ACTN1: variants seen among roughly 807,000 people sequenced by gnomAD.
ACTN1 encodes the protein alpha-actinin-1.
Under a neutral mutation model 119.6 loss-of-function variants are expected in ACTN1, and 30 were observed. The ratio of observed to expected loss-of-function variants is 0.25; its 90% CI spans 0.19 to 0.34. ACTN1 has a LOEUF of 0.34. ACTN1 is among the 10% of genes least tolerant of loss of function. The pLI, the probability that ACTN1 is intolerant of heterozygous loss-of-function variation, is 1.00. For missense variants in ACTN1, 764 were observed against 1,223.4 expected (o/e 0.62, Z 5.60); for synonymous variants, 429 against 472.6 (o/e 0.91, Z 1.20).
chr14:68,874,145 T>A lies in ACTN1; in HGVS notation c.*714A>T, dbSNP rs2030556353. 6.6e-6 allele frequency: 1 copy of A among 152,278 alleles called. No individual in the cohort carries two copies. The highest frequency in any genetic ancestry group is 6.5e-5 in the Admixed American group (1 of 15,268). The allele number at this position is 152,278 out of a possible 1,614,324, so 9.4% of individuals were successfully genotyped here. ...AGCTGTCATAGGAGTGTGGTTTTTTTAATACCATCTGTGCCAAGCAATATC... is the reference window on the plus strand; with the variant it reads ...AGCTGTCATAGGAGTGTGGTTTTTTAAATACCATCTGTGCCAAGCAATATC... On this transcript the variant is annotated 3_prime_UTR_variant, in exon 22 of 22. Transcript: ENST00000394419.
At position 68,878,984 on chromosome 14, in the gene ACTN1, A is replaced by C. The variant is rs765542245; in HGVS notation, c.2361+5T>G. 2.1e-5 allele frequency: 34 copies of C among 1,613,184 alleles called. No homozygotes were observed. Among genetic ancestry groups the C allele is most frequent in the Non-Finnish European group, 2.7e-5 (32 of 1,179,872 alleles). On this transcript the variant is annotated splice_donor_5th_base_variant and intron_variant, in intron 19 of 21. Transcript: ENST00000394419. This position sits in a 1 kb window ranked among gnomAD's most constrained non-coding sequence, Gnocchi z 4.4. The stretch of plus-strand genomic sequence containing the variant: ...CTGAGCGTGCTCCATGCAGGAGGCG[A>C]GTACCTGGGGGTCGTTGCCAATATC...
Position 68,979,219 on chromosome 14 carries a change from C to A in ACTN1, c.-163G>T. The A allele has an allele frequency of 2.1e-6, 1 of 475,808 alleles. No homozygotes were observed. Among genetic ancestry groups the A allele is most frequent in the Non-Finnish European group, 3.6e-6 (1 of 276,774 alleles). The allele number at this position is 475,808 out of a possible 1,614,324, so 29.5% of individuals were successfully genotyped here. ...TCCGCCGCGGCGCTGCTGGCGAAGG[C>A]TGCTACTGGCGGCGACAGCGGCGGC... is the stretch of plus-strand genomic sequence containing the variant. On this transcript the variant is annotated 5_prime_UTR_variant, in exon 1 of 22. Coordinates refer to ENST00000394419, the MANE Select transcript of ACTN1 (RefSeq NM_001130004.2).
rs1330657477 is a variant in ACTN1 at position 68,882,097 on chromosome 14, G to A, written c.1953+361C>T. 1.3e-5 allele frequency among the ~76,000 whole-genome samples: 2 copies of A among 151,840 alleles called. No homozygotes were observed. Among genetic ancestry groups the A allele is most frequent in the Admixed American group, 6.6e-5 (1 of 15,228 alleles). Reference sequence around the variant, plus strand: ...ATTATAGGCACGCATCATCACACCCGGCTGATTTTTGTATTTTTAGTAGAG... The same window carrying A: ...ATTATAGGCACGCATCATCACACCCAGCTGATTTTTGTATTTTTAGTAGAG... On this transcript the variant is annotated intron_variant, in intron 16 of 21. Coordinates refer to ENST00000394419, the MANE Select transcript of ACTN1 (RefSeq NM_001130004.2). This position sits in a 1 kb window ranked among gnomAD's most constrained non-coding sequence, Gnocchi z 4.5.
rs1555346029 is a variant in ACTN1 at position 68,891,198 on chromosome 14, T to TAG, written c.1086+854_1086+855insCT. 2.0e-5 allele frequency among the ~76,000 whole-genome samples: 3 copies of TAG among 152,000 alleles called. No individual in the cohort carries two copies. In the South Asian group the frequency reaches 6.2e-4, roughly 31 times the overall value. On this transcript the variant is annotated intron_variant, in intron 10 of 21. Coordinates refer to ENST00000394419, the MANE Select transcript of ACTN1 (RefSeq NM_001130004.2). ...CATGTGCCCATGACACTCCTGTTAC[T>TAG]TTTCACTTAAGGACAAAAAGCTGCG...
Position 68,878,817 on chromosome 14 carries a change from G to A in ACTN1, c.2361+172C>T, listed in dbSNP as rs748617139. The A allele has an allele frequency of 2.5e-6, 4 of 1,591,942 alleles. No individual in the cohort carries two copies. Among genetic ancestry groups the A allele is most frequent in the South Asian group, 1.1e-5 (1 of 89,890 alleles). ...GTAGGTTGCCATGAAAGACAGCAGA[G>A]GGCAGAGGGTGGACCAGTGATGGGG... On this transcript the variant is annotated intron_variant, in intron 19 of 21. Transcript: ENST00000394419. The surrounding 1 kb of genome is among the most constrained non-coding windows in gnomAD (Gnocchi z 4.4).
At chr14:68,969,630 C>A (rs551141074) in intron 1 of ACTN1, among the ~76,000 whole-genome samples, 40 of 152,256 alleles carry the variant, frequency 2.6e-4, no homozygotes, top group African/African-American at 9.6e-4. Flanking sequence ...GACAGGCACC[C>A]CTGCTCACAG....
At chr14:68,932,279 T>C (rs1287878413) in intron 1 of ACTN1, among the ~76,000 whole-genome samples, 2 of 151,416 alleles carry the variant, frequency 1.3e-5, no homozygotes, top group South Asian at 2.1e-4. Context: ...TGGCTGAGTC[T>C]CCCAGCCTCC....
In ACTN1 at chr14:68,925,291, G is replaced by T. The variant is rs2034862278; in HGVS notation, c.220+267C>A. On this transcript the variant is annotated intron_variant, in intron 2 of 21. Transcript: ENST00000394419. This position sits in a 1 kb window ranked among gnomAD's most constrained non-coding sequence, Gnocchi z 4.3. The stretch of plus-strand genomic sequence containing the variant: ...GCCACAGAATCCTGGCACTGGGGAG[G>T]AGAAGGAACCTCAGTTCCTTCAAAC... Among the ~76,000 whole-genome samples the T allele has an allele frequency of 6.6e-6, 1 of 151,168 alleles. No homozygotes were observed.
At chr14:68,911,887 GTTTTCCAATATAC>G (rs2034033287) in intron 4 of ACTN1, among the ~76,000 whole-genome samples, 2 of 152,234 alleles carry the variant, frequency 1.3e-5, no homozygotes, top group Non-Finnish European at 2.9e-5. Flanking sequence ...AGCCAGGTGG[GTTTTCCAATATAC>G]TTCCCCATGG....
In ACTN1 at chr14:68,878,997, C is replaced by T. The variant is rs555344398; in HGVS notation, c.2353G>A (p.Asp785Asn). 70 of 1,613,060 alleles carry T rather than the reference C, an allele frequency of 4.3e-5. No homozygotes were observed. The highest frequency in any genetic ancestry group is 1.3e-4 in the East Asian group (6 of 44,782). Reference sequence around the variant, plus strand: ...ATGCAGGAGGCGAGTACCTGGGGGTCGTTGCCAATATCATAACCCAAGCTG... The same window carrying T: ...ATGCAGGAGGCGAGTACCTGGGGGTTGTTGCCAATATCATAACCCAAGCTG... ...LISLGYDIGN[D>N]PQKKTGMMDT... Residue 785 changes from aspartate to asparagine, a missense_variant, in exon 19 of 22, where the codon GAC (aspartate) becomes AAC (asparagine). Physicochemically the swap from Asp to Asn is conservative, Grantham distance 23. This residue lies in a region of ACTN1 where 544 missense variants were observed against 912.0 expected (regional missense o/e 0.60). Coordinates refer to ENST00000394419, the MANE Select transcript of ACTN1 (RefSeq NM_001130004.2). The surrounding 1 kb of genome is among the most constrained non-coding windows in gnomAD (Gnocchi z 4.4).
At chr14:68,931,854 T>A (rs898894584) in intron 1 of ACTN1, among the ~76,000 whole-genome samples, 1 of 152,126 alleles carries the variant, frequency 6.6e-6, no homozygotes, top group South Asian at 2.1e-4. Context: ...GGCTGTACAG[T>A]GTGCTACCTG....
intron 1 of ACTN1, among the ~76,000 whole-genome samples, chr14:68,977,129 C>T (rs922623732): frequency 5.3e-5 from 8 of 152,198 alleles, no homozygotes; most frequent in African/African-American, 1.9e-4. Context: ...GCTCCCTAAG[C>T]AGGGATTTCT....
chr14:68,920,072 G>T (rs1261945731), intron 3 of ACTN1, among the ~76,000 whole-genome samples: 1 of 152,192 alleles, frequency 6.6e-6, no homozygotes, highest in African/African-American at 2.4e-5. Flanking sequence ...GCATTCCTCT[G>T]GTGTCACGAA....
chr14:68,880,135 CA>C lies in ACTN1; in HGVS notation c.2134-28del. Reference sequence around the variant, plus strand: ...TGCAGGACGGCAAGGGGCCTGTCAGCAAAGGGGTCCCAGGCCTGGGCTCCTG... The same window carrying C: ...TGCAGGACGGCAAGGGGCCTGTCAGCAAGGGGTCCCAGGCCTGGGCTCCTG... On this transcript the variant is annotated intron_variant, in intron 17 of 21. Transcript: ENST00000394419. This position sits in a 1 kb window ranked among gnomAD's most constrained non-coding sequence, Gnocchi z 4.6. The C allele has an allele frequency of 3.1e-6, 5 of 1,609,642 alleles. No individual in the cohort carries two copies. Among genetic ancestry groups the C allele is most frequent in the Middle Eastern group, 1.8e-4 (1 of 5,456 alleles).
At chr14:68,889,200 T>C (rs1175426753) in intron 11 of ACTN1, among the ~76,000 whole-genome samples, 2 of 152,172 alleles carry the variant, frequency 1.3e-5, no homozygotes, top group African/African-American at 4.8e-5. Context: ...GAGTTCACCT[T>C]AGCTGCCAAT....
At chr14:68,905,326 G>T (rs908687945) in intron 6 of ACTN1, among the ~76,000 whole-genome samples, 2 of 152,226 alleles carry the variant, frequency 1.3e-5, no homozygotes, top group Non-Finnish European at 2.9e-5. Context: ...TTGAGAAGCT[G>T]TAATCCTTGT....
chr14:68,942,842 C>T (rs998991052), intron 1 of ACTN1, among the ~76,000 whole-genome samples: 5 of 152,142 alleles, frequency 3.3e-5, no homozygotes, highest in Admixed American at 6.5e-5. Context: ...TCATTTGTGT[C>T]AGCAGGAGAG....
At chr14:68,905,262 T>C (rs1280745662) in intron 6 of ACTN1, among the ~76,000 whole-genome samples, 3 of 152,230 alleles carry the variant, frequency 2.0e-5, no homozygotes, top group African/African-American at 7.2e-5. Flanking sequence ...AGCTTTGGAC[T>C]ATTCTGGCTT....
At position 68,975,770 on chromosome 14, in the gene ACTN1, C is replaced by A. The variant is rs533334776; in HGVS notation, c.105+3182G>T. On this transcript the variant is annotated intron_variant, in intron 1 of 21. Coordinates refer to ENST00000394419, the MANE Select transcript of ACTN1 (RefSeq NM_001130004.2). ...TCTGGAAGATAACTGCATTTTGTGT[C>A]TGGAGGCATGGCGACCAGCCCATGA... 2.0e-5 allele frequency among the ~76,000 whole-genome samples: 3 copies of A among 152,314 alleles called. No homozygotes were observed. The East Asian group carries it at 5.8e-4, about 29-fold the overall frequency.
Sources: allele counts gnomAD v4.1 joint callset (sites outside exome capture counted in the v4.1 genomes callset), GRCh38; gene constraint gnomAD v4.1.1; regional missense constraint gnomAD v4.1.1; non-coding constraint Gnocchi (gnomAD v3.1); transcripts MANE v1.5; gene names NCBI Gene and HGNC (gene_info 2026-07-23, HGNC 2026-07-21).